The following POLQ variants were observed in gnomAD, a reference collection of about 807,000 sequenced individuals.
The protein encoded by POLQ is DNA polymerase theta.
POLQ carries 233 observed loss-of-function variants against 259.2 expected under a neutral mutation model. That is an observed-to-expected ratio of 0.90 (90% CI 0.81 to 1.00). The LOEUF (loss-of-function observed/expected upper bound fraction) is 1.00, where lower values mean the gene tolerates loss of function less well. POLQ is among the 50% of genes least tolerant of loss of function. The pLI, the probability that POLQ is intolerant of heterozygous loss-of-function variation, is 0.00. For synonymous variants in POLQ, 1,025 were observed against 1,048.8 expected, an observed-to-expected ratio of 0.98 and a Z score of 0.44; for missense variants, 2,871 against 3,051.6, an observed-to-expected ratio of 0.94 and a Z score of 1.39.
chr3:121,451,393 T>C (rs1050929189), intron 25 of POLQ, among the ~76,000 whole-genome samples: 1 of 152,234 alleles, frequency 6.6e-6, no homozygotes, highest in Non-Finnish European at 1.5e-5. Flanking sequence ...GCTTTTCTGC[T>C]CTGTTTTTTC....
intron 11 of POLQ, 68 bp from the exon 12 acceptor site, chr3:121,509,771 C>A: frequency 6.8e-7 from 1 of 1,463,076 alleles, no homozygotes. Context: ...AAAATACTAT[C>A]TTTCTGTTTT....
chr3:121,510,025 G>GA lies in POLQ; in HGVS notation c.1816+13dup, dbSNP rs1560103180. 1 of 1,598,490 alleles carries GA rather than the reference G, an allele frequency of 6.3e-7. No homozygotes were observed. The highest frequency in any genetic ancestry group is 1.7e-5 in the Admixed American group (1 of 59,922). On this transcript the variant is annotated intron_variant, in intron 11 of 29. Coordinates refer to ENST00000264233, the MANE Select transcript of POLQ (RefSeq NM_199420.4). ...GAAAAAGTGAGTAAATTGCAACTGA[G>GA]AAGTCACACTTACCTTCTGTTCCAT...
chr3:121,446,290 T>C (rs1210927600), intron 26 of POLQ, among the ~76,000 whole-genome samples: 1 of 152,226 alleles, frequency 6.6e-6, no homozygotes, highest in Non-Finnish European at 1.5e-5. Context: ...TCCATTATGG[T>C]CACAGTAGAT....
chr3:121,537,312 T>A, intron 4 of POLQ, 104 bp from the exon 5 acceptor site: 2 of 684,374 alleles, frequency 2.9e-6, no homozygotes, highest in South Asian at 3.6e-5. Context: ...TATATCAACT[T>A]TTATTTTAGA....
chr3:121,493,377 ATTAT>A, intron 15 of POLQ, 97 bp downstream of exon 15: 1 of 865,762 alleles, frequency 1.2e-6, no homozygotes, highest in Middle Eastern at 3.5e-4. Flanking sequence ...ATATAATAAG[ATTAT>A]TTAAGAGAAA....
intron 2 of POLQ, among the ~76,000 whole-genome samples, chr3:121,541,966 AT>A (rs1231850092): frequency 2.6e-5 from 4 of 151,758 alleles, no homozygotes; most frequent in African/African-American, 9.7e-5. Flanking sequence ...CTCTATTACT[AT>A]AAAAATAACA....
Position 121,529,870 on chromosome 3 carries a change from CTTTCTGGGGA to C in POLQ, c.961-88_961-79del, listed in dbSNP as rs1560107992. 33 of 1,090,442 alleles carry C rather than the reference CTTTCTGGGGA, an allele frequency of 3.0e-5. No individual in the cohort carries two copies. In the South Asian group the frequency reaches 5.7e-4, roughly 19 times the overall value. 67.5% of individuals were successfully genotyped at this position (1,090,442 alleles called of 1,614,324 possible). Reference sequence around the variant, plus strand: ...CATCAGTTTAAAAGCACTCATTTTCCTTTCTGGGGAAGCTTTTTCTTCTTTAAGGCATAAT... The same window carrying C: ...CATCAGTTTAAAAGCACTCATTTTCCAGCTTTTTCTTCTTTAAGGCATAAT... On this transcript the variant is annotated intron_variant, in intron 6 of 29. Coordinates refer to ENST00000264233, the MANE Select transcript of POLQ (RefSeq NM_199420.4).
At chr3:121,439,943 A>T (rs1048491173) in intron 27 of POLQ, 49 bp downstream of exon 27, 3 of 1,505,150 alleles carry the variant, frequency 2.0e-6, no homozygotes, top group Non-Finnish European at 2.8e-6. Flanking sequence ...CTGAAAAAGT[A>T]CATGTCATTG....
At chr3:121,434,927 C>A (rs2047530260) in intron 28 of POLQ, among the ~76,000 whole-genome samples, 1 of 152,088 alleles carries the variant, frequency 6.6e-6, no homozygotes, top group Non-Finnish European at 1.5e-5. Flanking sequence ...CCAAGCTTGG[C>A]AGACAGATCA....
chr3:121,452,825 A>T (rs1466256017), intron 25 of POLQ, among the ~76,000 whole-genome samples: 1 of 152,156 alleles, frequency 6.6e-6, no homozygotes, highest in African/African-American at 2.4e-5. Flanking sequence ...AGAAAAACAA[A>T]AAGACAGCAG....
chr3:121,532,022 A>G (rs551765010), intron 6 of POLQ, among the ~76,000 whole-genome samples: 9 of 152,308 alleles, frequency 5.9e-5, no homozygotes, highest in African/African-American at 1.9e-4. Flanking sequence ...ACCAATGTAC[A>G]TGAGTCAGTT....
At chr3:121,469,007 G>A (rs1262511938) in intron 22 of POLQ, among the ~76,000 whole-genome samples, 1 of 151,918 alleles carries the variant, frequency 6.6e-6, no homozygotes, top group Non-Finnish European at 1.5e-5. Context: ...CCAACATAGT[G>A]AAACCCCGTC....
In POLQ at chr3:121,528,344, AT is replaced by A. The variant is rs369377736; in HGVS notation, c.1108+1300del. On this transcript the variant is annotated intron_variant, in intron 7 of 29. Coordinates refer to ENST00000264233, the MANE Select transcript of POLQ (RefSeq NM_199420.4). ...TATGTTGGCTGGGCTGGAAATTTTA[AT>A]TTTTTTTTTTTTTTTGAGATGGAGT... Among the ~76,000 whole-genome samples the A allele has an allele frequency of 2.7e-3, 371 of 138,110 alleles. 2 individuals are homozygous for A. Among genetic ancestry groups the A allele is most frequent in the Middle Eastern group, 7.7e-3 (2 of 260 alleles). 90.6% of individuals were successfully genotyped at this position (138,110 alleles called of 152,430 possible). A position where few individuals can be genotyped will look rare whatever the true frequency, so the allele number is the denominator to read the frequency against.
At chr3:121,451,111 G>C (rs529885260) in intron 25 of POLQ, among the ~76,000 whole-genome samples, 7 of 152,316 alleles carry the variant, frequency 4.6e-5, no homozygotes, top group African/African-American at 1.7e-4. Context: ...TTGTCACGTA[G>C]TTCTTTTGCC....
chr3:121,510,914 T>C (rs1216441277), intron 10 of POLQ, among the ~76,000 whole-genome samples: 2 of 151,298 alleles, frequency 1.3e-5, no homozygotes, highest in East Asian at 2.0e-4. Flanking sequence ...TGAAACTCCG[T>C]CTCTACTGAA....
chr3:121,481,171 A>C (rs2047967409), intron 19 of POLQ, among the ~76,000 whole-genome samples: 1 of 152,250 alleles, frequency 6.6e-6, no homozygotes, highest in African/African-American at 2.4e-5. Context: ...TCTAAGGGTG[A>C]ATAAAAATCC....
rs778154793 is a variant in POLQ at position 121,432,341 on chromosome 3, C to T, written c.7736G>A (p.Gly2579Asp). Residue 2579 changes from glycine (G) to aspartate (D), a missense_variant, in exon 30 of 30, where the codon GGC becomes GAC. Physicochemically the swap from Gly to Asp is moderately conservative, Grantham distance 94. Around this residue, in one of 3 missense-constraint regions of POLQ, gnomAD observed 2,080 missense variants for 2,126.0 expected, o/e 0.98. Transcript: ENST00000264233. The stretch of plus-strand genomic sequence containing the variant: ...GTCCTTTAGCTCTCCCCAGCTGGCG[C>T]CTATTTTCACTTTCACTTTCAATTT... ...SVKLKVKVKI[G>D]ASWGELKDFD... is the part of the protein sequence containing the mutation. 3.7e-6 allele frequency: 6 copies of T among 1,607,114 alleles called. No individual in the cohort carries two copies. The South Asian group carries it at 5.6e-5, about 15-fold the overall frequency.
At chr3:121,543,932 G>A (rs573367821) in intron 2 of POLQ, among the ~76,000 whole-genome samples, 107 of 150,400 alleles carry the variant, frequency 7.1e-4, no homozygotes, top group Middle Eastern at 6.9e-3. Flanking sequence ...GCCGTGAGCC[G>A]AGACAACTCC....
intron 10 of POLQ, among the ~76,000 whole-genome samples, chr3:121,510,600 T>A (rs960979234): frequency 1.3e-5 from 2 of 151,106 alleles, no homozygotes; most frequent in African/African-American, 2.4e-5. Context: ...AAAAAAAAAA[T>A]AAATAAAACA....
Sources: allele counts gnomAD v4.1 joint callset (sites outside exome capture counted in the v4.1 genomes callset), GRCh38; gene constraint gnomAD v4.1.1; regional missense constraint gnomAD v4.1.1; transcripts MANE v1.5; gene names NCBI Gene and HGNC (gene_info 2026-07-23, HGNC 2026-07-21).